Variants in SNRNP70 observed in about 807,000 individuals in gnomAD.
SNRNP70 encodes U1 small nuclear ribonucleoprotein 70 kDa.
In SNRNP70, 8 loss-of-function variants were observed where a neutral mutation model predicts 50.5. That is an observed-to-expected ratio of 0.16 (90% CI 0.09 to 0.29). The LOEUF (loss-of-function observed/expected upper bound fraction) is 0.29. SNRNP70 is among the 10% of genes least tolerant of loss of function. The probability of loss-of-function intolerance (pLI) is 1.00; values close to 1 mark genes in which losing one functional copy is unlikely to be tolerated. For synonymous variants in SNRNP70, 320 were observed against 252.9 expected (o/e 1.27, Z -2.52); for missense variants, 529 against 663.5 (o/e 0.80, Z 2.23).
chr19:49,107,984 C>T lies in SNRNP70; in HGVS notation c.855C>T (p.Asp285=). The change falls in exon 10 of 10, where the codon GAC becomes GAT. Residue 285 remains aspartate (D), a synonymous_variant. Coordinates refer to ENST00000598441, the MANE Select transcript of SNRNP70 (RefSeq NM_003089.6). This position sits in a 1 kb window ranked among gnomAD's most constrained non-coding sequence, Gnocchi z 6.0. The part of the protein sequence containing the change: ...RRSRERSKDK[D]RDRKRRSSRS... ...CCAGGGAGCGGAGCAAGGACAAGGA[C>T]CGGGACCGGAAGCGGCGAAGCAGCC... is the stretch of plus-strand genomic sequence containing the variant. 1 of 1,548,024 alleles carries T rather than the reference C, an allele frequency of 6.5e-7. No individual in the cohort carries two copies.
In SNRNP70 at chr19:49,086,670, GCTTAAC is replaced by G; in HGVS notation, c.147+113_147+118del. 3.9e-6 allele frequency: 4 copies of G among 1,022,522 alleles called. No individual in the cohort carries two copies. The Middle Eastern group carries it at 6.3e-4, about 161-fold the overall frequency. The allele number at this position is 1,022,522 out of a possible 1,614,324, so 63.3% of individuals were successfully genotyped here. A position where few individuals can be genotyped will look rare whatever the true frequency, so the allele number is the denominator to read the frequency against. On this transcript the variant is annotated intron_variant, in intron 2 of 9. Coordinates refer to ENST00000598441, the MANE Select transcript of SNRNP70 (RefSeq NM_003089.6). ...GCCAGCTGCGTGATTTAAGCGAGGG[GCTTAAC>G]CTTTGTGATCCTCAGTTTCTCTGTT... is the stretch of plus-strand genomic sequence containing the variant.
Position 49,085,627 on chromosome 19 carries a change from G to T in SNRNP70, c.-20G>T, listed in dbSNP as rs878950931. 1.3e-5 allele frequency: 6 copies of T among 456,090 alleles called. No homozygotes were observed. Among genetic ancestry groups the T allele is most frequent in the South Asian group, 9.3e-5 (6 of 64,560 alleles). 28.3% of individuals were successfully genotyped at this position (456,090 alleles called of 1,614,324 possible). A position where few individuals can be genotyped will look rare whatever the true frequency, so the allele number is the denominator to read the frequency against. ...CCGGACAGACGCCAGAGCGAGGAGG[G>T]CGCTACGCGGTGAGTGAGTGTGACT... is the stretch of plus-strand genomic sequence containing the variant. On this transcript the variant is annotated 5_prime_UTR_variant, in exon 1 of 10. Coordinates refer to ENST00000598441, the MANE Select transcript of SNRNP70 (RefSeq NM_003089.6).
At chr19:49,096,821 T>A (rs1400988259) in intron 4 of SNRNP70, among the ~76,000 whole-genome samples, 1 of 151,510 alleles carries the variant, frequency 6.6e-6, no homozygotes, top group East Asian at 2.0e-4. Context: ...ATACTTGTAG[T>A]TAAATTCTCT....
At chr19:49,089,053 C>T (rs2122308758) in intron 2 of SNRNP70, among the ~76,000 whole-genome samples, 1 of 152,304 alleles carries the variant, frequency 6.6e-6, no homozygotes, top group South Asian at 2.1e-4. Flanking sequence ...CAGGGTGTTT[C>T]CTAAATACTA....
chr19:49,100,719 T>C (rs1239473165), intron 6 of SNRNP70, among the ~76,000 whole-genome samples: 1 of 148,636 alleles, frequency 6.7e-6, no homozygotes, highest in Non-Finnish European at 1.5e-5. Context: ...GGCAGGAGAA[T>C]CGCTTGAACC....
At chr19:49,101,217 G>GC (rs2040580979) in intron 6 of SNRNP70, among the ~76,000 whole-genome samples, 173 bp from the exon 7 acceptor site, 1 of 152,210 alleles carries the variant, frequency 6.6e-6, no homozygotes, top group Non-Finnish European at 1.5e-5. Context: ...CCAGGAAGCC[G>GC]CCTCTGTGTC....
At chr19:49,086,611 G>C (rs776089746) in intron 2 of SNRNP70, 50 bp downstream of exon 2, 1 of 1,579,890 alleles carries the variant, frequency 6.3e-7, no homozygotes, top group Non-Finnish European at 8.7e-7. Context: ...GGGAGCAACG[G>C]GTTGGATTTG....
At chr19:49,105,494 C>T (rs998158939) in intron 8 of SNRNP70, among the ~76,000 whole-genome samples, 1 of 151,756 alleles carries the variant, frequency 6.6e-6, no homozygotes, top group Non-Finnish European at 1.5e-5. Context: ...TTTGGGAGGC[C>T]GAGGCGGGTG....
intron 7 of SNRNP70, chr19:49,102,301 A>G (rs2040598498): frequency 4.0e-6 from 2 of 502,000 alleles, no homozygotes; most frequent in Non-Finnish European, 3.4e-6. Flanking sequence ...GCCTCCCCGC[A>G]CCCATGGCCC....
At chr19:49,102,083 TATTA>T (rs1170621320) in intron 7 of SNRNP70, 5 of 1,189,628 alleles carry the variant, frequency 4.2e-6, no homozygotes, top group Non-Finnish European at 5.6e-6. Flanking sequence ...GGGGCCGCCG[TATTA>T]ATTGACTGTT....
chr19:49,099,885 C>T (rs907210395), intron 6 of SNRNP70, among the ~76,000 whole-genome samples: 2 of 152,158 alleles, frequency 1.3e-5, no homozygotes, highest in Admixed American at 1.3e-4. Flanking sequence ...TACAAAAATA[C>T]AAAAGATTAG....
intron 4 of SNRNP70, among the ~76,000 whole-genome samples, chr19:49,096,792 G>A (rs1184639601): frequency 6.6e-6 from 1 of 151,866 alleles, no homozygotes; most frequent in East Asian, 1.9e-4. Flanking sequence ...ATTCCTTAAA[G>A]TCATCTTGAC....
intron 4 of SNRNP70, 92 bp from the exon 5 acceptor site, chr19:49,098,335 C>T (rs1210533943): frequency 2.5e-5 from 26 of 1,056,620 alleles, no homozygotes; most frequent in African/African-American, 6.3e-5. Context: ...CCAATGCCAC[C>T]GTTTTCTTCT....
At chr19:49,093,988 A>T (rs1213270617) in intron 4 of SNRNP70, among the ~76,000 whole-genome samples, 1 of 152,076 alleles carries the variant, frequency 6.6e-6, no homozygotes, top group Non-Finnish European at 1.5e-5. Context: ...GCGCCATTAC[A>T]CTCCAGCCCG....
At position 49,088,577 on chromosome 19, in the gene SNRNP70, A is replaced by C. The variant is rs541912707; in HGVS notation, c.148-1714A>C. On this transcript the variant is annotated intron_variant, in intron 2 of 9. Transcript: ENST00000598441. ...AGTGGCGTGATCTAGGCTCACTGCA[A>C]CTTCCACCTCCCGGGTTCAAAGGAT... Among the ~76,000 whole-genome samples, 7 of 147,796 alleles carry C rather than the reference A, an allele frequency of 4.7e-5. No individual in the cohort carries two copies. The East Asian group carries it at 9.9e-4, about 21-fold the overall frequency.
At chr19:49,085,971 C>T (rs1372321098) in intron 1 of SNRNP70, among the ~76,000 whole-genome samples, 1 of 152,194 alleles carries the variant, frequency 6.6e-6, no homozygotes, top group Non-Finnish European at 1.5e-5. Context: ...GGGCTTCGCT[C>T]CTTATGTTTC....
chr19:49,089,257 A>C (rs894230440), intron 2 of SNRNP70, among the ~76,000 whole-genome samples: 4 of 152,192 alleles, frequency 2.6e-5, no homozygotes, highest in Non-Finnish European at 5.9e-5. Context: ...AAACTAGCCA[A>C]CATGCTGTCG....
intron 2 of SNRNP70, among the ~76,000 whole-genome samples, 191 bp downstream of exon 2, chr19:49,086,752 C>G (rs1283241996): frequency 6.6e-6 from 1 of 152,062 alleles, no homozygotes. Flanking sequence ...CGTCTGTAGT[C>G]TCAGCTACTC....
chr19:49,104,877 G>T lies in SNRNP70; in HGVS notation c.577+142G>T, dbSNP rs1600291958. On this transcript the variant is annotated intron_variant, in intron 8 of 9. Transcript: ENST00000598441. This position sits in a 1 kb window ranked among gnomAD's most constrained non-coding sequence, Gnocchi z 5.4. Reference sequence around the variant, plus strand: ...TCCTCATCTCCGGCTTCTCTCTCTTGTGGCCATCACATTTCTGACAGCTGC... The same window carrying T: ...TCCTCATCTCCGGCTTCTCTCTCTTTTGGCCATCACATTTCTGACAGCTGC... 4 of 587,180 alleles carry T rather than the reference G, an allele frequency of 6.8e-6. No individual in the cohort carries two copies. Among genetic ancestry groups the T allele is most frequent in the Middle Eastern group, 4.5e-4 (1 of 2,230 alleles). 36.4% of individuals were successfully genotyped at this position (587,180 alleles called of 1,614,324 possible). A position where few individuals can be genotyped will look rare whatever the true frequency, so the allele number is the denominator to read the frequency against.
Sources: allele counts gnomAD v4.1 joint callset (sites outside exome capture counted in the v4.1 genomes callset), GRCh38; gene constraint gnomAD v4.1.1; non-coding constraint Gnocchi (gnomAD v3.1); transcripts MANE v1.5; gene names NCBI Gene and HGNC (gene_info 2026-07-23, HGNC 2026-07-21).